Variants in OR9Q1 observed in about 807,000 individuals in gnomAD.
OR9Q1 encodes olfactory receptor family 9 subfamily Q member 1.
For missense variants in OR9Q1, 374 were observed against 378.8 expected (o/e 0.99, Z 0.11); for synonymous variants, 153 against 148.6 (o/e 1.03, Z -0.22).
intron 2 of OR9Q1, chr11:58,072,666 C>T (rs1853499316): frequency 6.5e-6 from 1 of 155,032 alleles, no homozygotes; most frequent in Non-Finnish European, 1.5e-5. Context: ...ATTAGTCTTC[C>T]AAATAACATG....
Position 58,179,847 on chromosome 11 carries a change from A to T in OR9Q1, c.403A>T (p.Ile135Phe), listed in dbSNP as rs1189505309. The T allele has an allele frequency of 1.9e-6, 3 of 1,614,052 alleles. No individual in the cohort carries two copies. Among genetic ancestry groups the T allele is most frequent in the South Asian group, 1.1e-5 (1 of 91,062 alleles). The part of the protein sequence containing the change: ...AVCQPLLYVT[I>F]LTQQARLSLV... Reference sequence around the variant, plus strand: ...GTGCCAGCCCCTGCTTTATGTCACCATCCTGACACAGCAGGCCCGCTTGAG... The same window carrying T: ...GTGCCAGCCCCTGCTTTATGTCACCTTCCTGACACAGCAGGCCCGCTTGAG... The change falls in exon 3 of 3, where the codon ATC becomes TTC. Residue 135 changes from isoleucine to phenylalanine, a missense_variant. Coordinates refer to ENST00000335397, the MANE Select transcript of OR9Q1 (RefSeq NM_001005212.4).
At chr11:58,128,865 C>T (rs1004822143) in intron 2 of OR9Q1, among the ~76,000 whole-genome samples, 1 of 151,936 alleles carries the variant, frequency 6.6e-6, no homozygotes, top group African/African-American at 2.4e-5. Context: ...TTTCATATGT[C>T]AAAACATCAC....
intron 2 of OR9Q1, among the ~76,000 whole-genome samples, chr11:58,173,787 G>C (rs1021098932): frequency 3.3e-5 from 5 of 152,130 alleles, no homozygotes; most frequent in Non-Finnish European, 5.9e-5. Context: ...CGTTCTTCCT[G>C]TTTTCTAGTG....
chr11:58,176,711 T>C (rs548701141), intron 2 of OR9Q1, among the ~76,000 whole-genome samples: 1 of 152,200 alleles, frequency 6.6e-6, no homozygotes, highest in South Asian at 2.1e-4. Context: ...ATTGTCCCCA[T>C]ATTGATGCAC....
intron 2 of OR9Q1, among the ~76,000 whole-genome samples, chr11:58,173,916 C>A (rs771830232): frequency 6.6e-6 from 1 of 152,104 alleles, no homozygotes; most frequent in Non-Finnish European, 1.5e-5. Context: ...TGCACCTGGA[C>A]CTGATGGAGA....
rs1416540876 is a variant in OR9Q1, at chr11:58,088,526, A to T, written c.-15+32579A>T. 5.3e-5 allele frequency among the ~76,000 whole-genome samples: 8 copies of T among 151,916 alleles called. 1 individual carries two copies. Among genetic ancestry groups the T allele is most frequent in the Admixed American group, 5.2e-4 (8 of 15,254 alleles). Reference sequence around the variant, plus strand: ...AATAATTGCCATTCTAACTGGAATGAGATGGTATCTCATTGTGGTTTTGAT... The same window carrying T: ...AATAATTGCCATTCTAACTGGAATGTGATGGTATCTCATTGTGGTTTTGAT... On this transcript the variant is annotated intron_variant, in intron 2 of 2. Coordinates refer to ENST00000335397, the MANE Select transcript of OR9Q1 (RefSeq NM_001005212.4).
At chr11:58,032,467 A>C (rs1033659204) in intron 1 of OR9Q1, among the ~76,000 whole-genome samples, 2 of 152,234 alleles carry the variant, frequency 1.3e-5, no homozygotes, top group Non-Finnish European at 2.9e-5. Flanking sequence ...AAAACTGTAC[A>C]TTGCTACCAA....
intron 2 of OR9Q1, among the ~76,000 whole-genome samples, chr11:58,104,074 A>G (rs966683190): frequency 1.3e-5 from 2 of 152,310 alleles, no homozygotes; most frequent in Admixed American, 6.5e-5. Context: ...TCAAACATGC[A>G]TTGGCATCTA....
chr11:58,124,102 A>G (rs778982350), intron 2 of OR9Q1, among the ~76,000 whole-genome samples: 7 of 152,076 alleles, frequency 4.6e-5, no homozygotes, highest in African/African-American at 9.7e-5. Context: ...AGAGGGAAAA[A>G]TTTTAGGAGC....
At chr11:58,175,443 A>AG (rs1854596354) in intron 2 of OR9Q1, among the ~76,000 whole-genome samples, 1 of 152,100 alleles carries the variant, frequency 6.6e-6, no homozygotes, top group Non-Finnish European at 1.5e-5. Context: ...TCCTCTGCGA[A>AG]GCCCTCCCCA....
At chr11:58,081,940 A>AT (rs896897143) in intron 2 of OR9Q1, among the ~76,000 whole-genome samples, 4 of 152,074 alleles carry the variant, frequency 2.6e-5, no homozygotes, top group Non-Finnish European at 5.9e-5. Flanking sequence ...TGATCAGGGC[A>AT]TTTTTAAGAA....
chr11:58,154,437 T>A (rs1465480896), intron 2 of OR9Q1, among the ~76,000 whole-genome samples: 1 of 150,962 alleles, frequency 6.6e-6, no homozygotes, highest in African/African-American at 2.4e-5. Context: ...GAATGGGAAT[T>A]GTTACTGTTT....
At chr11:58,048,432 G>T (rs1853241212) in intron 1 of OR9Q1, among the ~76,000 whole-genome samples, 1 of 150,794 alleles carries the variant, frequency 6.6e-6, no homozygotes, top group Non-Finnish European at 1.5e-5. Flanking sequence ...ACTTTAGCAG[G>T]CCGAGATCAG....
intron 2 of OR9Q1, among the ~76,000 whole-genome samples, chr11:58,146,515 AAGAT>A (rs1266633659): frequency 1.1e-4 from 16 of 152,352 alleles, no homozygotes; most frequent in African/African-American, 3.4e-4. Flanking sequence ...AGTAATAAAT[AAGAT>A]AGATATGGTT....
At chr11:58,162,283 C>T (rs751849027) in intron 2 of OR9Q1, among the ~76,000 whole-genome samples, 31 of 152,206 alleles carry the variant, frequency 2.0e-4, no homozygotes, top group Non-Finnish European at 3.8e-4. Flanking sequence ...GGAAATGTTA[C>T]GTTTTGTTTG....
chr11:58,136,897 G>A (rs1854194354), intron 2 of OR9Q1, among the ~76,000 whole-genome samples: 1 of 152,136 alleles, frequency 6.6e-6, no homozygotes, highest in Non-Finnish European at 1.5e-5. Context: ...GCTGGCTGTA[G>A]TAGCACAGAC....
At chr11:58,101,552 G>A (rs1853783599) in intron 2 of OR9Q1, among the ~76,000 whole-genome samples, 2 of 152,088 alleles carry the variant, frequency 1.3e-5, no homozygotes, top group Non-Finnish European at 2.9e-5. Flanking sequence ...TGGATACATA[G>A]TTTGTAAATA....
At chr11:58,028,851 C>T (rs1363354140) in intron 1 of OR9Q1, among the ~76,000 whole-genome samples, 1 of 152,190 alleles carries the variant, frequency 6.6e-6, no homozygotes, top group Non-Finnish European at 1.5e-5. Context: ...TTTATCTCTA[C>T]ATGCTTTCAT....
intron 2 of OR9Q1, among the ~76,000 whole-genome samples, chr11:58,127,043 G>A (rs1209749044): frequency 6.6e-6 from 1 of 152,140 alleles, no homozygotes; most frequent in African/African-American, 2.4e-5. Flanking sequence ...TCCACTTCCC[G>A]GGTTCAAGCG....
Sources: gnomAD v4.1 joint callset for allele counts (sites outside exome capture counted in the v4.1 genomes callset) on GRCh38, gnomAD v4.1.1 for gene constraint, MANE v1.5 for transcripts, NCBI Gene and HGNC (gene_info 2026-07-23, HGNC 2026-07-21) for gene names.